SYNPO2: variants seen among roughly 807,000 people sequenced by gnomAD.
SYNPO2 encodes the protein synaptopodin 2.
Under a neutral mutation model 85.0 loss-of-function variants are expected in SYNPO2, and 56 were observed. That is an observed-to-expected ratio of 0.66 (90% CI 0.53 to 0.82). The LOEUF (loss-of-function observed/expected upper bound fraction) is 0.82. SYNPO2 is among the 40% of genes least tolerant of loss of function. The probability of loss-of-function intolerance (pLI) is 0.00; values close to 1 mark genes in which losing one functional copy is unlikely to be tolerated. For synonymous variants in SYNPO2, 602 were observed against 591.1 expected (o/e 1.02, Z -0.27); for missense variants, 1,575 against 1,534.2 (o/e 1.03, Z -0.44).
intron 1 of SYNPO2, among the ~76,000 whole-genome samples, chr4:119,005,252 T>A (rs1044677822): frequency 2.6e-5 from 4 of 152,204 alleles, no homozygotes; most frequent in African/African-American, 7.2e-5. Flanking sequence ...TTTGTCAATT[T>A]TGGCTTTTGT....
intron 1 of SYNPO2, among the ~76,000 whole-genome samples, chr4:118,898,017 G>C (rs947689144): frequency 1.3e-5 from 2 of 152,068 alleles, no homozygotes; most frequent in East Asian, 3.9e-4. Context: ...TAAAATAGAA[G>C]TAGGCTAGAA....
chr4:118,984,374 A>T (rs181488240), intron 1 of SYNPO2, among the ~76,000 whole-genome samples: 245 of 152,308 alleles, frequency 1.6e-3, no homozygotes, highest in African/African-American at 5.8e-3. Flanking sequence ...CTGTTTAATT[A>T]AAAAAATCCT....
chr4:118,963,002 C>T (rs371257842), intron 1 of SYNPO2, among the ~76,000 whole-genome samples: 22 of 152,074 alleles, frequency 1.4e-4, no homozygotes, highest in African/African-American at 4.6e-4. Flanking sequence ...TATATTTTGT[C>T]CCATAATATG....
chr4:118,955,080 A>G (rs913668176), intron 1 of SYNPO2, among the ~76,000 whole-genome samples: 3 of 149,592 alleles, frequency 2.0e-5, no homozygotes, highest in African/African-American at 7.4e-5. Flanking sequence ...GCTCACTGCA[A>G]TCTCTGCCTC....
intron 1 of SYNPO2, among the ~76,000 whole-genome samples, chr4:118,954,689 G>C (rs1308983111): frequency 6.6e-6 from 1 of 151,948 alleles, no homozygotes; most frequent in African/African-American, 2.4e-5. Flanking sequence ...AGATTTATCT[G>C]AAAAACCATT....
At chr4:118,905,019 G>A (rs529408863) in intron 1 of SYNPO2, among the ~76,000 whole-genome samples, 1 of 152,150 alleles carries the variant, frequency 6.6e-6, no homozygotes, top group African/African-American at 2.4e-5. Context: ...GGGAAATGTT[G>A]ATCAGAACAA....
At chr4:118,902,167 T>C (rs1732777041) in intron 1 of SYNPO2, among the ~76,000 whole-genome samples, 1 of 152,226 alleles carries the variant, frequency 6.6e-6, no homozygotes. Context: ...TTTCCCATCA[T>C]TAAATGATTA....
chr4:118,989,169 TG>T (rs898081351), intron 1 of SYNPO2, among the ~76,000 whole-genome samples: 1 of 152,216 alleles, frequency 6.6e-6, no homozygotes, highest in Non-Finnish European at 1.5e-5. Context: ...TGGTTCCGGC[TG>T]CACTCAGCTG....
chr4:118,929,557 A>T (rs1733850145), intron 1 of SYNPO2, among the ~76,000 whole-genome samples: 1 of 152,116 alleles, frequency 6.6e-6, no homozygotes, highest in African/African-American at 2.4e-5. Context: ...AAGAACTTGT[A>T]CTTCATTTAT....
intron 1 of SYNPO2, among the ~76,000 whole-genome samples, chr4:118,880,668 A>G (rs1578515582): frequency 6.8e-6 from 1 of 146,048 alleles, no homozygotes; most frequent in Non-Finnish European, 1.5e-5. Flanking sequence ...AATTGCTTGA[A>G]CCCCGGAGGT....
chr4:119,009,634 C>T (rs915730922), intron 1 of SYNPO2, among the ~76,000 whole-genome samples: 7 of 152,060 alleles, frequency 4.6e-5, no homozygotes, highest in African/African-American at 1.4e-4. Context: ...CAGAATCACC[C>T]GGGGAAGCTC....
intron 1 of SYNPO2, among the ~76,000 whole-genome samples, chr4:118,992,003 T>G (rs1015619544): frequency 6.6e-6 from 1 of 151,664 alleles, no homozygotes; most frequent in Non-Finnish European, 1.5e-5. Context: ...AGGTGTAGAG[T>G]CTTAAAAGAG....
chr4:118,865,858 C>T (rs775397681), intron 1 of SYNPO2, among the ~76,000 whole-genome samples: 3 of 152,098 alleles, frequency 2.0e-5, no homozygotes, highest in African/African-American at 2.4e-5. Context: ...ATGTGGAAAA[C>T]AAGAAAGTAG....
intron 1 of SYNPO2, among the ~76,000 whole-genome samples, chr4:119,015,391 A>G (rs894701781): frequency 1.3e-5 from 2 of 152,246 alleles, no homozygotes; most frequent in Admixed American, 6.5e-5. Flanking sequence ...GAAAACTAGA[A>G]GAATAAATGG....
chr4:118,918,186 C>A (rs1465584059), intron 1 of SYNPO2, among the ~76,000 whole-genome samples: 1 of 152,086 alleles, frequency 6.6e-6, no homozygotes, highest in South Asian at 2.1e-4. Flanking sequence ...TTAAAAAATC[C>A]ATTTTTTAAA....
intron 1 of SYNPO2, among the ~76,000 whole-genome samples, chr4:119,018,446 T>A (rs1215154293): frequency 6.6e-6 from 1 of 152,158 alleles, no homozygotes; most frequent in East Asian, 1.9e-4. Flanking sequence ...ATTTCCTTTA[T>A]ATTGGATATA....
chr4:119,034,164 C>T (rs574187159), intron 4 of SYNPO2: 1 of 985,378 alleles, frequency 1.0e-6, no homozygotes, highest in African/African-American at 1.7e-5. Flanking sequence ...ATTTTGAATT[C>T]TTTTCTAATA....
intron 1 of SYNPO2, among the ~76,000 whole-genome samples, chr4:118,984,080 C>G (rs766741612): frequency 3.3e-5 from 5 of 152,210 alleles, no homozygotes; most frequent in Non-Finnish European, 1.5e-5. Context: ...CATTTCATCA[C>G]CTAGACTTCT....
At chr4:118,940,554 G>A (rs1734271823) in intron 1 of SYNPO2, among the ~76,000 whole-genome samples, 1 of 151,922 alleles carries the variant, frequency 6.6e-6, no homozygotes, top group Non-Finnish European at 1.5e-5. Context: ...CTCGTTATTG[G>A]ACTGAGGACA....
Sources: gnomAD v4.1 joint callset for allele counts (sites outside exome capture counted in the v4.1 genomes callset) on GRCh38, gnomAD v4.1.1 for gene constraint, MANE v1.5 for transcripts, NCBI Gene and HGNC (gene_info 2026-07-23, HGNC 2026-07-21) for gene names.